The following TRPA1 variants were observed in gnomAD, a reference collection of about 807,000 sequenced individuals.
TRPA1 encodes ankyrin-like with transmembrane domains 1.
In TRPA1, 129 loss-of-function variants were observed where a neutral mutation model predicts 131.3. The observed-to-expected ratio is 0.98, with a 90% CI of 0.85 to 1.14. TRPA1 has a LOEUF of 1.14. TRPA1 is among the 50% of genes most tolerant of loss of function. The pLI is 0.00. For synonymous variants in TRPA1, 441 were observed against 451.7 expected, an observed-to-expected ratio of 0.98 and a Z score of 0.30; for missense variants, 1,304 against 1,354.2, an observed-to-expected ratio of 0.96 and a Z score of 0.58.
rs1042692966 is a variant in TRPA1 at position 72,022,891 on chromosome 8, T to C, written c.*15A>G. 2 of 1,611,448 alleles carry C rather than the reference T, an allele frequency of 1.2e-6. No individual in the cohort carries two copies. The highest frequency in any genetic ancestry group is 1.3e-5 in the African/African-American group (1 of 74,996). ...ATGCACCCCCCATTAGAAGCCTCAC[T>C]GAAGGTCTGAGGAGCTAAGGCTCAA... On this transcript the variant is annotated 3_prime_UTR_variant, in exon 27 of 27. Coordinates refer to ENST00000262209, the MANE Select transcript of TRPA1 (RefSeq NM_007332.3).
At chr8:72,073,437 C>T (rs1190750910) in intron 1 of TRPA1, among the ~76,000 whole-genome samples, 2 of 152,126 alleles carry the variant, frequency 1.3e-5, no homozygotes, top group Non-Finnish European at 2.9e-5. Flanking sequence ...TGTTATACAG[C>T]TTTTCTTTTA....
At chr8:72,027,300 G>A (rs1478818905) in intron 24 of TRPA1, among the ~76,000 whole-genome samples, 1 of 152,106 alleles carries the variant, frequency 6.6e-6, no homozygotes, top group Non-Finnish European at 1.5e-5. Flanking sequence ...GGGGAGGTTG[G>A]CAAGCAAAGC....
At chr8:72,023,197 ACC>A in intron 26 of TRPA1, 81 bp from the exon 27 acceptor site, 1 of 437,240 alleles carries the variant, frequency 2.3e-6, no homozygotes, top group Non-Finnish European at 3.1e-6. Context: ...ATAGGTTTTA[ACC>A]TCGGTCCCTT....
At chr8:72,086,672 C>A in the TRPA1 span, among the ~76,000 whole-genome samples, 7 of 152,118 alleles carry the variant, frequency 4.6e-5, no homozygotes, top group Non-Finnish European at 8.8e-5. Context: ...TCTCTAAACT[C>A]TTTTAGAATT....
chr8:72,060,225 A>C (rs2129435956), intron 7 of TRPA1: 1 of 151,260 alleles, frequency 6.6e-6, no homozygotes, highest in East Asian at 1.9e-4. Flanking sequence ...TATGCATATT[A>C]ATATATTAAG....
At chr8:72,050,118 G>T (rs966743153) in intron 15 of TRPA1, among the ~76,000 whole-genome samples, 4 of 151,670 alleles carry the variant, frequency 2.6e-5, no homozygotes, top group Non-Finnish European at 5.9e-5. Flanking sequence ...GACAGGCCCC[G>T]GTGTGTGATG....
chr8:72,031,916 A>G (rs1034412024), intron 23 of TRPA1, among the ~76,000 whole-genome samples: 1 of 152,322 alleles, frequency 6.6e-6, no homozygotes, highest in Non-Finnish European at 1.5e-5. Flanking sequence ...CATCCAATAG[A>G]GTTAGTTAAT....
At chr8:72,040,349 A>T (rs1812211737) in intron 17 of TRPA1, among the ~76,000 whole-genome samples, 1 of 152,134 alleles carries the variant, frequency 6.6e-6, no homozygotes, top group Non-Finnish European at 1.5e-5. Context: ...TCCTCCATAG[A>T]GATATGGAAT....
In TRPA1 at chr8:72,057,597, C is replaced by T; in HGVS notation, c.1093+120G>A. On this transcript the variant is annotated intron_variant, in intron 9 of 26. Coordinates refer to ENST00000262209, the MANE Select transcript of TRPA1 (RefSeq NM_007332.3). ...TATTTTTAAATTCACAACACCTGGCCCAGGGCCTGGCACACAATAGATGGT... is the reference window on the plus strand; with the variant it reads ...TATTTTTAAATTCACAACACCTGGCTCAGGGCCTGGCACACAATAGATGGT... 2.1e-5 allele frequency: 17 copies of T among 818,880 alleles called. No homozygotes were observed. In the South Asian group the frequency reaches 2.2e-4, roughly 11 times the overall value. The allele number at this position is 818,880 out of a possible 1,614,324, so 50.7% of individuals were successfully genotyped here.
At chr8:72,053,522 G>C in intron 13 of TRPA1, 1 of 548,480 alleles carries the variant, frequency 1.8e-6, no homozygotes, top group Non-Finnish European at 3.3e-6. Context: ...TGTGGACCTC[G>C]CTGCTCTGTG....
In TRPA1 at chr8:72,056,953, A is replaced by G. The variant is rs985458447; in HGVS notation, c.1158T>C (p.Pro386=). The G allele has an allele frequency of 6.8e-6, 11 of 1,609,652 alleles. No homozygotes were observed. The highest frequency in any genetic ancestry group is 9.3e-6 in the Non-Finnish European group (11 of 1,178,164). ...CAGGTCGCAGATTTTTTAATCCATA[A>G]GGTTGCTGTACAGTTAAATGCAGAA... ...RNFLHLTVQQ[P]YGLKNLRPEF... Residue 386 remains proline, a synonymous_variant, in exon 10 of 27, where the codon CCT becomes CCC. Transcript: ENST00000262209.
intron 1 of TRPA1, among the ~76,000 whole-genome samples, chr8:72,072,795 C>T (rs1365706924): frequency 2.6e-5 from 4 of 152,134 alleles, no homozygotes; most frequent in Non-Finnish European, 5.9e-5. Context: ...GATGTCTGTT[C>T]AGCGATGTGC....
intron 15 of TRPA1, among the ~76,000 whole-genome samples, chr8:72,049,123 G>A (rs4738203): frequency 0.63 from 95,413 of 151,718 alleles, 30,260 homozygotes; most frequent in Admixed American, 0.74. Context: ...TAAAAAAACC[G>A]TCCAAAATAT....
chr8:72,069,168 G>T lies in TRPA1; in HGVS notation c.299C>A (p.Thr100Asn). ...TTTTTCTACAGCACAATGCAGAGGG[G>T]TATTTCCATAATCATCCATTTCATG... ...VLHEMDDYGNTPLHCAVEKNQ... is the reference protein window; with the variant it reads ...VLHEMDDYGNNPLHCAVEKNQ... The change falls in exon 3 of 27, where the codon ACC (threonine) becomes AAC (asparagine). Residue 100 changes from threonine to asparagine, a missense_variant. Thr to Asn is a moderately conservative substitution (Grantham distance 65, BLOSUM62 0). Transcript: ENST00000262209. 1 of 1,614,202 alleles carries T rather than the reference G, an allele frequency of 6.2e-7. No homozygotes were observed. The highest frequency in any genetic ancestry group is 8.5e-7 in the Non-Finnish European group (1 of 1,180,038).
chr8:72,064,841 CATCTCCATCATCTCCAT>C, intron 4 of TRPA1, among the ~76,000 whole-genome samples: 1 of 15,316 alleles, frequency 6.5e-5, no homozygotes, highest in African/African-American at 2.8e-3. Context: ...TGTAGACAAT[CATCTCCATCATCTCCAT>C]CATCTCCATC....
At chr8:72,062,760 C>T (rs1805836578) in intron 6 of TRPA1, 39 bp downstream of exon 6, 17 of 1,601,422 alleles carry the variant, frequency 1.1e-5, no homozygotes, top group Non-Finnish European at 1.4e-5. Context: ...TTTATGACAA[C>T]TCTAAGATAA....
intron 7 of TRPA1, among the ~76,000 whole-genome samples, chr8:72,059,752 G>A (rs1363761393): frequency 6.6e-6 from 1 of 152,144 alleles, no homozygotes; most frequent in Non-Finnish European, 1.5e-5. Context: ...AGATAGAAAA[G>A]ACAAGGAAAT....
At chr8:72,024,950 C>G (rs13268511) in intron 25 of TRPA1, among the ~76,000 whole-genome samples, 54,715 of 151,864 alleles carry the variant, frequency 0.36, 10,059 homozygotes, top group Middle Eastern at 0.5. Flanking sequence ...GAAGAACAGT[C>G]GTAGAGATGA....
rs910162252 is a variant in TRPA1 at position 72,021,671 on chromosome 8, C to A, written c.*1235G>T. 5.0e-5 allele frequency: 7 copies of A among 139,256 alleles called. No homozygotes were observed. The highest frequency in any genetic ancestry group is 1.1e-4 in the Non-Finnish European group (7 of 63,986). The allele number at this position is 139,256 out of a possible 1,614,324, so 8.6% of individuals were successfully genotyped here. On this transcript the variant is annotated 3_prime_UTR_variant, in exon 27 of 27. Transcript: ENST00000262209. ...GGAAGGTGGAGGTAACCAAGCTGTC[C>A]ATCTCTAGAAAAGTCCAGTGTGGTG...
Sources: allele counts gnomAD v4.1 joint callset (sites outside exome capture counted in the v4.1 genomes callset), GRCh38; gene constraint gnomAD v4.1.1; transcripts MANE v1.5; gene names NCBI Gene and HGNC (gene_info 2026-07-23, HGNC 2026-07-21).